ATAD1: variants seen among roughly 807,000 people sequenced by gnomAD.
ATAD1 encodes the protein ATPase family AAA domain containing 1.
ATAD1 carries 18 observed loss-of-function variants against 42.7 expected under a neutral mutation model. The ratio of observed to expected loss-of-function variants is 0.42; its 90% CI spans 0.29 to 0.63. The LOEUF is 0.63. Ranked by LOEUF, ATAD1 falls within the 20% of genes least tolerant of loss-of-function variation. The probability of loss-of-function intolerance (pLI) is 0.19; values close to 1 mark genes in which losing one functional copy is unlikely to be tolerated. For synonymous variants in ATAD1, 132 were observed against 143.1 expected (o/e 0.92, Z 0.55); for missense variants, 294 against 440.4 (o/e 0.67, Z 2.98).
At chr10:87,794,559 G>A (rs1001398054) in intron 2 of ATAD1, among the ~76,000 whole-genome samples, 70 of 152,300 alleles carry the variant, frequency 4.6e-4, no homozygotes, top group Non-Finnish European at 9.4e-4. Context: ...TGTCACACTT[G>A]GGGGTAGGGT....
chr10:87,775,288 G>C (rs1353684703), intron 6 of ATAD1, among the ~76,000 whole-genome samples: 1 of 151,448 alleles, frequency 6.6e-6, no homozygotes, highest in Non-Finnish European at 1.5e-5. Flanking sequence ...GGGCATGGTA[G>C]TGCACGTCTG....
intron 6 of ATAD1, among the ~76,000 whole-genome samples, chr10:87,771,804 T>C (rs1855045089): frequency 6.6e-6 from 1 of 150,806 alleles, no homozygotes; most frequent in Admixed American, 6.6e-5. Context: ...AACAAAGATA[T>C]ATAAAACAAG....
intron 3 of ATAD1, 127 bp downstream of exon 3, chr10:87,792,530 T>A (rs1856173562): frequency 1.2e-5 from 8 of 666,206 alleles, no homozygotes; most frequent in Middle Eastern, 2.8e-4. Context: ...TACAACTATA[T>A]GCCGAGTCTT....
Position 87,827,660 on chromosome 10 carries a change from G to A in ATAD1, c.-13-13048C>T, listed in dbSNP as rs1293779521. Among the ~76,000 whole-genome samples the A allele has an allele frequency of 3.3e-5, 5 of 152,256 alleles. No individual in the cohort carries two copies. In the East Asian group the frequency reaches 9.6e-4, roughly 29 times the overall value. On this transcript the variant is annotated intron_variant, in intron 1 of 4. Coordinates refer to the ATAD1 transcript ENST00000495903. Reference sequence around the variant, plus strand: ...TAAGGCAGTGAAATTAATAAATGTTGTGTTCTGACTGCTCTACCAACCAGT... The same window carrying A: ...TAAGGCAGTGAAATTAATAAATGTTATGTTCTGACTGCTCTACCAACCAGT...
chr10:87,840,651 C>T (rs1382346232), intron 1 of ATAD1, among the ~76,000 whole-genome samples: 3 of 152,206 alleles, frequency 2.0e-5, no homozygotes, highest in Non-Finnish European at 2.9e-5. Flanking sequence ...AACTAGGCCT[C>T]ATAGCCCTTT....
intron 2 of ATAD1, among the ~76,000 whole-genome samples, chr10:87,802,503 G>A (rs917177247): frequency 6.6e-6 from 1 of 151,922 alleles, no homozygotes; most frequent in African/African-American, 2.4e-5. Context: ...TTCTATCAAA[G>A]CCAATTTAAA....
intron 1 of ATAD1, among the ~76,000 whole-genome samples, chr10:87,828,999 G>A (rs1857778554): frequency 6.6e-6 from 1 of 152,164 alleles, no homozygotes. Context: ...CATTGACAAT[G>A]CACCTGGTCA....
At chr10:87,770,251 G>C (rs1243057244) in intron 7 of ATAD1, among the ~76,000 whole-genome samples, 1 of 152,184 alleles carries the variant, frequency 6.6e-6, no homozygotes, top group Non-Finnish European at 1.5e-5. Flanking sequence ...GGCAACACAT[G>C]TAACATGCTG....
intron 1 of ATAD1, among the ~76,000 whole-genome samples, chr10:87,827,562 A>G (rs1857752440): frequency 6.6e-6 from 1 of 152,188 alleles, no homozygotes; most frequent in South Asian, 2.1e-4. Flanking sequence ...TATATCTGTT[A>G]CGGTGATCTG....
chr10:87,780,401 C>T (rs1855511126), intron 5 of ATAD1, among the ~76,000 whole-genome samples: 1 of 152,020 alleles, frequency 6.6e-6, no homozygotes, highest in Admixed American at 6.6e-5. Context: ...AAGAACTGTG[C>T]AACACAAAGA....
chr10:87,790,526 T>C, intron 3 of ATAD1, 96 bp from the exon 4 acceptor site: 1 of 1,256,952 alleles, frequency 8.0e-7, no homozygotes, highest in Non-Finnish European at 1.1e-6. Flanking sequence ...AATCTGATGA[T>C]TATACATAAA....
At chr10:87,808,545 G>A (rs534548591) in intron 2 of ATAD1, among the ~76,000 whole-genome samples, 12 of 152,184 alleles carry the variant, frequency 7.9e-5, no homozygotes, top group African/African-American at 2.2e-4. Flanking sequence ...GCAAGGCTCC[G>A]TCTAAAAGAA....
intron 2 of ATAD1, among the ~76,000 whole-genome samples, chr10:87,796,700 T>G (rs1779645495): frequency 6.6e-6 from 1 of 152,240 alleles, no homozygotes; most frequent in South Asian, 2.1e-4. Flanking sequence ...GTTCACATTT[T>G]GGTGACCATG....
chr10:87,817,484 C>T (rs183150197), intron 1 of ATAD1, among the ~76,000 whole-genome samples: 1 of 152,214 alleles, frequency 6.6e-6, no homozygotes, highest in Admixed American at 6.5e-5. Context: ...GAGTGGAAAA[C>T]CGTGAAATCG....
intron 1 of ATAD1, among the ~76,000 whole-genome samples, chr10:87,836,803 T>C (rs1289130340): frequency 6.6e-6 from 1 of 152,186 alleles, no homozygotes; most frequent in Non-Finnish European, 1.5e-5. Flanking sequence ...GGATCTCCGA[T>C]ATCATAAATG....
At chr10:87,793,233 A>G (rs752817142) in intron 2 of ATAD1, among the ~76,000 whole-genome samples, 2 of 152,184 alleles carry the variant, frequency 1.3e-5, no homozygotes, top group African/African-American at 2.4e-5. Context: ...TCTACAATAG[A>G]TGGCCACACA....
At chr10:87,826,859 C>A (rs2132103490) in intron 1 of ATAD1, among the ~76,000 whole-genome samples, 1 of 152,306 alleles carries the variant, frequency 6.6e-6, no homozygotes, top group Non-Finnish European at 1.5e-5. Context: ...AATCATATTT[C>A]TTCAGTTGAA....
In ATAD1 at chr10:87,814,584, C is replaced by G; in HGVS notation, c.16G>C (p.Ala6Pro). Reference sequence around the variant, plus strand: ...TTCCGACTCAAAGGACGAGAAAAGGCTTCAGCATGTACCATCTTGAATGTT... The same window carrying G: ...TTCCGACTCAAAGGACGAGAAAAGGGTTCAGCATGTACCATCTTGAATGTT... MVHAE[A>P]FSRPLSRNEV... is the part of the protein sequence containing the mutation. Residue 6 changes from alanine to proline, a missense_variant, in exon 2 of 10, where the codon GCC becomes CCC. By Grantham distance (27) the Ala-to-Pro change is conservative. Coordinates refer to ENST00000680024, the MANE Select transcript of ATAD1 (RefSeq NM_001321967.2). 6.2e-7 allele frequency: 1 copy of G among 1,609,554 alleles called. No individual in the cohort carries two copies. Among genetic ancestry groups the G allele is most frequent in the Non-Finnish European group, 8.5e-7 (1 of 1,178,048 alleles).
chr10:87,820,073 C>T (rs1197565815), upstream of ATAD1, among the ~76,000 whole-genome samples: 2 of 152,020 alleles, frequency 1.3e-5, no homozygotes, highest in South Asian at 2.1e-4. Flanking sequence ...GATTATGAGA[C>T]GAGGACAATG....
Sources: allele counts gnomAD v4.1 joint callset (sites outside exome capture counted in the v4.1 genomes callset), GRCh38; gene constraint gnomAD v4.1.1; transcripts MANE v1.5; gene names NCBI Gene and HGNC (gene_info 2026-07-23, HGNC 2026-07-21).